Variants in HIP1 observed in about 807,000 individuals in gnomAD.
HIP1 encodes huntingtin interacting protein 1, also known as huntingtin-interacting protein 1.
In HIP1, 65 loss-of-function variants were observed where a neutral mutation model predicts 147.6. The observed-to-expected ratio is 0.44, with a 90% CI of 0.36 to 0.54. The LOEUF (loss-of-function observed/expected upper bound fraction) is 0.54. Among genes scored for constraint, HIP1 ranks in the 20% least tolerant of loss-of-function variants. The pLI, the probability that HIP1 is intolerant of heterozygous loss-of-function variation, is 0.00. For missense variants in HIP1, 1,061 were observed against 1,299.6 expected, an observed-to-expected ratio of 0.82 and a Z score of 2.82; for synonymous variants, 479 against 504.0, an observed-to-expected ratio of 0.95 and a Z score of 0.67.
At chr7:75,666,157 T>G (rs182993333) in intron 1 of HIP1, among the ~76,000 whole-genome samples, 1 of 150,590 alleles carries the variant, frequency 6.6e-6, no homozygotes, top group East Asian at 2.0e-4. Context: ...GCTTTATTAA[T>G]TAATTAATTA....
chr7:75,661,367 G>C (rs965869830), intron 1 of HIP1, among the ~76,000 whole-genome samples: 7 of 151,482 alleles, frequency 4.6e-5, no homozygotes, highest in Non-Finnish European at 1.0e-4. Context: ...GAGGTCAGGA[G>C]CTTGAGACCA....
chr7:75,686,923 G>A (rs1276488837), intron 1 of HIP1, among the ~76,000 whole-genome samples: 1 of 136,106 alleles, frequency 7.3e-6, no homozygotes, highest in African/African-American at 2.8e-5. Flanking sequence ...GGACTCAAAT[G>A]ATCCTCCACC....
intron 1 of HIP1, among the ~76,000 whole-genome samples, chr7:75,722,443 G>A (rs1246703599): frequency 1.3e-5 from 2 of 152,166 alleles, no homozygotes; most frequent in Non-Finnish European, 2.9e-5. Context: ...TAGTGGGCAG[G>A]GACCAGGCAG....
At position 75,548,874 on chromosome 7, in the gene HIP1, C is replaced by T; in HGVS notation, c.2406+17G>A. The T allele has an allele frequency of 6.4e-7, 1 of 1,572,324 alleles. No individual in the cohort carries two copies. Among genetic ancestry groups the T allele is most frequent in the Non-Finnish European group, 8.8e-7 (1 of 1,141,838 alleles). On this transcript the variant is annotated intron_variant, in intron 23 of 30. Transcript: ENST00000336926. ...TGCAAAGGCATCGTTTCAGGAGATC[C>T]TGCAGGAACCTCCTACCTCTATTCT...
At chr7:75,605,015 AC>A (rs1181874876) in intron 1 of HIP1, among the ~76,000 whole-genome samples, 4 of 152,086 alleles carry the variant, frequency 2.6e-5, no homozygotes, top group Admixed American at 2.0e-4. Context: ...GGAGAGAGAA[AC>A]CTTTTAAACT....
chr7:75,563,830 G>A (rs587669748), intron 9 of HIP1, among the ~76,000 whole-genome samples: 11 of 152,312 alleles, frequency 7.2e-5, no homozygotes, highest in Admixed American at 5.9e-4. Flanking sequence ...AATTACAATC[G>A]TTTGGTACTA....
chr7:75,613,085 TCACACA>T lies in HIP1; in HGVS notation c.121-13844_121-13839del, dbSNP rs143183301. On this transcript the variant is annotated intron_variant, in intron 1 of 30. Transcript: ENST00000336926. ...TACCACTGCACCACTCCAACTTGGG[TCACACA>T]CACACACACACACACATGCACACAA... 8.6e-3 allele frequency among the ~76,000 whole-genome samples: 1,274 copies of T among 148,212 alleles called. 17 individuals carry two copies. The highest frequency in any genetic ancestry group is 0.03 in the African/African-American group (1,223 of 40,538).
At chr7:75,624,132 A>G (rs1554507632) in intron 1 of HIP1, among the ~76,000 whole-genome samples, 1 of 152,160 alleles carries the variant, frequency 6.6e-6, no homozygotes, top group African/African-American at 2.4e-5. Context: ...TCAGGTCAGA[A>G]CCAAAGAAAA....
chr7:75,565,038 T>C (rs1795355392), intron 9 of HIP1, among the ~76,000 whole-genome samples: 1 of 152,124 alleles, frequency 6.6e-6, no homozygotes, highest in Non-Finnish European at 1.5e-5. Context: ...TGGAGTTAAC[T>C]ACATCTATTC....
intron 1 of HIP1, among the ~76,000 whole-genome samples, chr7:75,734,976 A>T (rs782343848): frequency 2.0e-5 from 3 of 152,064 alleles, no homozygotes; most frequent in Non-Finnish European, 2.9e-5. Flanking sequence ...AGTTAATCAC[A>T]GCCTGCTTGA....
intron 1 of HIP1, among the ~76,000 whole-genome samples, chr7:75,638,019 C>T (rs1293708650): frequency 8.4e-6 from 1 of 118,990 alleles, no homozygotes; most frequent in Admixed American, 9.7e-5. Flanking sequence ...CACACACACA[C>T]ACACACACAC....
At chr7:75,601,034 A>G (rs1796952251) in intron 1 of HIP1, among the ~76,000 whole-genome samples, 1 of 152,246 alleles carries the variant, frequency 6.6e-6, no homozygotes, top group South Asian at 2.1e-4. Flanking sequence ...CTGGGATTAC[A>G]GGCATGAGCC....
intron 1 of HIP1, among the ~76,000 whole-genome samples, chr7:75,664,449 C>T (rs918062286): frequency 9.7e-6 from 1 of 103,564 alleles, no homozygotes; most frequent in African/African-American, 4.6e-5. Context: ...TACATATATA[C>T]ACATACATAT....
intron 1 of HIP1, among the ~76,000 whole-genome samples, chr7:75,732,240 G>T (rs1271820688): frequency 2.0e-5 from 3 of 152,116 alleles, no homozygotes; most frequent in Admixed American, 6.6e-5. Context: ...TACCCAGCAG[G>T]CCCTCAATAA....
intron 1 of HIP1, among the ~76,000 whole-genome samples, chr7:75,658,458 T>C (rs781814504): frequency 1.3e-5 from 2 of 152,082 alleles, no homozygotes; most frequent in African/African-American, 2.4e-5. Flanking sequence ...GACTAGTTTG[T>C]GGAGGTCATC....
intron 1 of HIP1, among the ~76,000 whole-genome samples, chr7:75,645,943 G>A (rs182428263): frequency 6.6e-6 from 1 of 152,312 alleles, no homozygotes; most frequent in East Asian, 1.9e-4. Context: ...CTCCAAAAGG[G>A]AGGAGGGGAC....
At chr7:75,599,128 C>T (rs913246991) in intron 2 of HIP1, 56 bp downstream of exon 2, 41 of 1,340,092 alleles carry the variant, frequency 3.1e-5, no homozygotes, top group Non-Finnish European at 4.3e-5. Context: ...TGACCTCAGT[C>T]CCCATGAGCT....
chr7:75,676,290 T>C (rs553351461), intron 1 of HIP1, among the ~76,000 whole-genome samples: 2 of 152,194 alleles, frequency 1.3e-5, no homozygotes, highest in South Asian at 4.1e-4. Context: ...TGAGAGGCTC[T>C]GGATCCATGC....
rs555816881 is a variant in HIP1, at chr7:75,666,151, TATTA to T, written c.121-66908_121-66905del. On this transcript the variant is annotated intron_variant, in intron 1 of 30. Transcript: ENST00000336926. Reference sequence around the variant, plus strand: ...GGTAGATTTTTTTTTAATCATGCTTTATTAATTAATTAATTAATTAATTTTATTT... The same window carrying T: ...GGTAGATTTTTTTTTAATCATGCTTTATTAATTAATTAATTAATTTTATTT... Among the ~76,000 whole-genome samples the T allele has an allele frequency of 4.2e-4, 64 of 151,676 alleles. 1 individual carries two copies. In the South Asian group the frequency reaches 0.012, roughly 27 times the overall value.
Sources: allele counts gnomAD v4.1 joint callset (sites outside exome capture counted in the v4.1 genomes callset), GRCh38; gene constraint gnomAD v4.1.1; transcripts MANE v1.5; gene names NCBI Gene and HGNC (gene_info 2026-07-23, HGNC 2026-07-21).